Variants in LOC400499 observed in about 807,000 individuals in gnomAD.
At chr16:11,387,015 G>C in the LOC400499 span, 2 of 971,768 alleles carry the variant, frequency 2.1e-6, no homozygotes, top group Non-Finnish European at 2.7e-6. Flanking sequence ...CTCTGGGCCT[G>C]GCACTGTGAT....
At chr16:11,401,529 A>C in the LOC400499 span, 1 of 398,412 alleles carries the variant, frequency 2.5e-6, no homozygotes, top group Non-Finnish European at 4.4e-6. Flanking sequence ...CTTTCAGCAC[A>C]AAACCCCATC....
chr16:11,402,168 T>C, the LOC400499 span: 1 of 398,746 alleles, frequency 2.5e-6, no homozygotes. Context: ...ACTGGGTGGG[T>C]GAGGACACAC....
chr16:11,476,269 G>A, the LOC400499 span, among the ~76,000 whole-genome samples: 9 of 151,964 alleles, frequency 5.9e-5, no homozygotes, highest in African/African-American at 2.2e-4. Flanking sequence ...AGGTGGGGCA[G>A]CCTGGATTCA....
chr16:11,384,907 A>G, the LOC400499 span: 1 of 1,232,154 alleles, frequency 8.1e-7, no homozygotes, highest in Non-Finnish European at 1.0e-6. Flanking sequence ...AGAGGCCCAG[A>G]GTCAGGCTGC....
chr16:11,392,539 G>A, the LOC400499 span: 1 of 398,972 alleles, frequency 2.5e-6, no homozygotes. Context: ...CCCCCACCAT[G>A]TCTCTGGCTG....
the LOC400499 span, among the ~76,000 whole-genome samples, chr16:11,491,173 G>A: frequency 6.6e-6 from 1 of 152,140 alleles, no homozygotes; most frequent in African/African-American, 2.4e-5. Context: ...GGTGAAGCTG[G>A]GATTTGAACC....
At chr16:11,520,457 G>C in the LOC400499 span, among the ~76,000 whole-genome samples, 233 of 152,278 alleles carry the variant, frequency 1.5e-3, 3 homozygotes, top group African/African-American at 5.4e-3. Flanking sequence ...AGGAGTTCAA[G>C]ACCAGCTTGG....
the LOC400499 span, among the ~76,000 whole-genome samples, chr16:11,445,916 C>T: frequency 1.3e-5 from 2 of 151,544 alleles, no homozygotes; most frequent in East Asian, 3.9e-4. Flanking sequence ...TCACTGTAAC[C>T]TCTGCCTCCT....
chr16:11,514,360 T>C, the LOC400499 span: 6 of 399,086 alleles, frequency 1.5e-5, no homozygotes, highest in Non-Finnish European at 2.7e-5. Flanking sequence ...TGAGGTCACC[T>C]GTGCCCGCTG....
the LOC400499 span, among the ~76,000 whole-genome samples, chr16:11,438,770 C>T: frequency 6.6e-6 from 1 of 152,010 alleles, no homozygotes; most frequent in African/African-American, 2.4e-5. Context: ...GCCCAGCTAA[C>T]AGAGTGAGAT....
chr16:11,460,860 C>A, the LOC400499 span: 2 of 1,387,984 alleles, frequency 1.4e-6, no homozygotes, highest in Admixed American at 2.8e-5. Flanking sequence ...TAATGGAAAA[C>A]CCCGTGGTGA....
At chr16:11,413,100 G>A in the LOC400499 span, 3 of 396,038 alleles carry the variant, frequency 7.6e-6, no homozygotes, top group African/African-American at 4.1e-5. Flanking sequence ...CACTCTCACA[G>A]GTGCTGAGGA....
chr16:11,398,717 T>C, the LOC400499 span, among the ~76,000 whole-genome samples: 2 of 151,608 alleles, frequency 1.3e-5, no homozygotes, highest in African/African-American at 4.8e-5. Context: ...TGGAGTACAG[T>C]GGCATGATCT....
chr16:11,486,983 G>A, the LOC400499 span, among the ~76,000 whole-genome samples: 4 of 151,082 alleles, frequency 2.6e-5, no homozygotes, highest in Non-Finnish European at 5.9e-5. Flanking sequence ...GTGGATGGAC[G>A]AGATGAATGA....
At chr16:11,430,870 T>C in the LOC400499 span, among the ~76,000 whole-genome samples, 2 of 152,236 alleles carry the variant, frequency 1.3e-5, no homozygotes, top group African/African-American at 4.8e-5. Context: ...TGCATGTTCA[T>C]TTCTCACAAA....
At chr16:11,484,338 A>G in the LOC400499 span, among the ~76,000 whole-genome samples, 1 of 152,016 alleles carries the variant, frequency 6.6e-6, no homozygotes, top group South Asian at 2.1e-4. Context: ...TCTGGAAGAG[A>G]CTTTTGGGAG....
At chr16:11,406,270 AC>A in the LOC400499 span, among the ~76,000 whole-genome samples, 1 of 152,184 alleles carries the variant, frequency 6.6e-6, no homozygotes, top group Non-Finnish European at 1.5e-5. Flanking sequence ...AACATGTGAT[AC>A]TGGGTTTTCT....
the LOC400499 span, among the ~76,000 whole-genome samples, chr16:11,405,129 G>A: frequency 6.6e-6 from 1 of 152,214 alleles, no homozygotes; most frequent in South Asian, 2.1e-4. Context: ...TGGCCAAGCT[G>A]TGTGGCTCTG....
the LOC400499 span, among the ~76,000 whole-genome samples, chr16:11,448,692 A>C: frequency 6.6e-6 from 1 of 152,138 alleles, no homozygotes; most frequent in African/African-American, 2.4e-5. Flanking sequence ...GCATCACTGA[A>C]CTCCAGCCTG....
Sources: gnomAD v4.1 joint callset for allele counts (sites outside exome capture counted in the v4.1 genomes callset) on GRCh38, gnomAD v4.1.1 for gene constraint, MANE v1.5 for transcripts.